The following GRTP1 variants were observed in gnomAD, a reference collection of about 807,000 sequenced individuals.
GRTP1 encodes growth hormone-regulated TBC protein 1.
In GRTP1, 56 loss-of-function variants were observed where a neutral mutation model predicts 38.1. The observed-to-expected ratio is 1.47, with a 90% CI of 1.19 to 1.84. GRTP1 has a LOEUF of 1.84. Among genes scored for constraint, GRTP1 ranks in the 40% most tolerant of loss-of-function variants. The probability of loss-of-function intolerance (pLI) is 0.00; values close to 1 mark genes in which losing one functional copy is unlikely to be tolerated. For synonymous variants in GRTP1, 217 were observed against 189.5 expected (o/e 1.14, Z -1.19); for missense variants, 506 against 453.9 (o/e 1.11, Z -1.04).
chr13:113,346,276 CTGTGGCTG>C (rs1359345123), intron 4 of GRTP1, among the ~76,000 whole-genome samples: 3 of 79,556 alleles, frequency 3.8e-5, no homozygotes, highest in Admixed American at 2.8e-4. Flanking sequence ...GGGAGGACCT[CTGTGGCTG>C]AGCGGATCTG....
At chr13:113,324,660 A>T in intron 7 of GRTP1, 83 bp from the exon 8 acceptor site, 1 of 1,515,978 alleles carries the variant, frequency 6.6e-7, no homozygotes, top group Non-Finnish European at 8.9e-7. Flanking sequence ...GCAGGCAGAC[A>T]GGCCTCGTGT....
intron 5 of GRTP1, among the ~76,000 whole-genome samples, chr13:113,337,272 C>T (rs1211122105): frequency 6.6e-6 from 1 of 152,160 alleles, no homozygotes; most frequent in African/African-American, 2.4e-5. Flanking sequence ...TCCAGCCTGG[C>T]AACAGTGAGA....
chr13:113,352,337 T>TTATATATATTTTA (rs2043295719), intron 3 of GRTP1, among the ~76,000 whole-genome samples: 5 of 51,560 alleles, frequency 9.7e-5, no homozygotes, highest in African/African-American at 3.6e-4. Context: ...TATATATATT[T>TTATATATATTTTA]TATATATATA....
rs373538487 is a variant in GRTP1 at position 113,343,668 on chromosome 13, G to A, written c.562+1195C>T. Among the ~76,000 whole-genome samples, 7 of 152,208 alleles carry A rather than the reference G, an allele frequency of 4.6e-5. No individual in the cohort carries two copies. The highest frequency in any genetic ancestry group is 2.1e-4 in the South Asian group (1 of 4,832). Reference sequence around the variant, plus strand: ...GGAAATGGGGTGGGTGACTGTGTCCGTGTGGTGTGGCTGTTCTGAGGACAA... The same window carrying A: ...GGAAATGGGGTGGGTGACTGTGTCCATGTGGTGTGGCTGTTCTGAGGACAA... On this transcript the variant is annotated intron_variant, in intron 5 of 7. Coordinates refer to ENST00000375431, the MANE Select transcript of GRTP1 (RefSeq NM_024719.4). This position sits in a 1 kb window ranked among gnomAD's most constrained non-coding sequence, Gnocchi z 4.8.
At chr13:113,336,714 A>G (rs1160574360) in intron 5 of GRTP1, among the ~76,000 whole-genome samples, 1 of 138,244 alleles carries the variant, frequency 7.2e-6, no homozygotes, top group African/African-American at 2.7e-5. Context: ...CAGCGGACAC[A>G]TGAACTGCCC....
chr13:113,355,446 G>A lies in GRTP1; in HGVS notation c.217C>T (p.His73Tyr). The stretch of plus-strand genomic sequence containing the variant: ...AGCACCATCCAGACGCGGGCACGGT[G>A]CTCCAGCGGGACCCCTTTCCGGACA... ...RYVRKGVPLE[H>Y]RARVWMVLSG... is the part of the protein sequence containing the mutation. Residue 73 changes from histidine to tyrosine, a missense_variant, in exon 3 of 8, where the codon CAC (histidine) becomes TAC (tyrosine). His to Tyr is a moderately conservative substitution (Grantham distance 83, BLOSUM62 2). Transcript: ENST00000375431. 1.2e-6 allele frequency: 2 copies of A among 1,613,690 alleles called. No individual in the cohort carries two copies. The highest frequency in any genetic ancestry group is 1.7e-6 in the Non-Finnish European group (2 of 1,179,770).
At chr13:113,326,866 AG>A (rs1350390806) in intron 5 of GRTP1, among the ~76,000 whole-genome samples, 3 of 152,196 alleles carry the variant, frequency 2.0e-5, no homozygotes, top group African/African-American at 4.8e-5. Context: ...AAAGGGAGGA[AG>A]TCAGGCCACA....
chr13:113,347,536 G>A lies in GRTP1; in HGVS notation c.466-2577C>T, dbSNP rs1177014185. Among the ~76,000 whole-genome samples the A allele has an allele frequency of 3.7e-4, 28 of 74,786 alleles. 1 individual carries two copies. The highest frequency in any genetic ancestry group is 5.3e-4 in the East Asian group (2 of 3,752). The allele number at this position is 74,786 out of a possible 152,430, so 49.1% of individuals were successfully genotyped here. On this transcript the variant is annotated intron_variant, in intron 4 of 7. Transcript: ENST00000375431. ...CCCAGGAGCACCTCTGTGGCTGAGC[G>A]GATCCGGGAGGACCTCTGTGGCAGA... is the stretch of plus-strand genomic sequence containing the variant.
intron 5 of GRTP1, among the ~76,000 whole-genome samples, chr13:113,327,582 G>A (rs1056262702): frequency 7.2e-5 from 11 of 152,172 alleles, no homozygotes; most frequent in South Asian, 2.1e-4. Context: ...CAGTGAAGTC[G>A]GTTTAATAGT....
At chr13:113,339,675 A>T (rs1175972977) in intron 5 of GRTP1, 2 of 152,204 alleles carry the variant, frequency 1.3e-5, no homozygotes, top group African/African-American at 4.8e-5. Context: ...ATTTTGTTCC[A>T]TTGGTCTGTT....
At chr13:113,341,392 A>G (rs767816232) in intron 5 of GRTP1, among the ~76,000 whole-genome samples, 35 of 152,080 alleles carry the variant, frequency 2.3e-4, no homozygotes, top group Non-Finnish European at 4.4e-4. Flanking sequence ...TCAGCCTCCC[A>G]AGTAGCTGGG....
chr13:113,335,293 T>C (rs113922129), intron 5 of GRTP1, among the ~76,000 whole-genome samples: 1 of 151,888 alleles, frequency 6.6e-6, no homozygotes, highest in Non-Finnish European at 1.5e-5. Flanking sequence ...CGTGGTGGTG[T>C]GTGCCTGTAA....
At chr13:113,359,217 T>C (rs919501011) in intron 2 of GRTP1, among the ~76,000 whole-genome samples, 2 of 152,216 alleles carry the variant, frequency 1.3e-5, no homozygotes, top group Admixed American at 6.5e-5. Flanking sequence ...CTCAGTGATG[T>C]GAGCAGTGGG....
intron 5 of GRTP1, among the ~76,000 whole-genome samples, chr13:113,328,287 C>A (rs954641056): frequency 6.6e-6 from 1 of 152,228 alleles, no homozygotes; most frequent in East Asian, 1.9e-4. Context: ...GGGCACAGCT[C>A]TGACACTCCC....
intron 4 of GRTP1, among the ~76,000 whole-genome samples, chr13:113,347,233 TGA>T (rs1204438346): frequency 6.2e-5 from 1 of 16,156 alleles, no homozygotes; most frequent in East Asian, 8.6e-4. Flanking sequence ...CCTCTGTGGC[TGA>T]GAGCGGACCT....
intron 3 of GRTP1, among the ~76,000 whole-genome samples, chr13:113,352,250 ATATTTATATATT>A (rs2043282706): frequency 2.3e-5 from 2 of 86,334 alleles, no homozygotes; most frequent in African/African-American, 4.3e-5. Context: ...ATATTTATAT[ATATTTATATATT>A]TTTATATTTT....
At chr13:113,354,746 C>G (rs976902398) in intron 3 of GRTP1, among the ~76,000 whole-genome samples, 1 of 152,230 alleles carries the variant, frequency 6.6e-6, no homozygotes, top group Admixed American at 6.5e-5. Context: ...AGGCTGGTCT[C>G]GAACTCCTGA....
In GRTP1 at chr13:113,324,371, G is replaced by A; in HGVS notation, c.*117C>T. ...CTTTTAAAAAATTCACAACTAAAGT[G>A]TAGTGATGTCAAGTATTTACAACAC... On this transcript the variant is annotated 3_prime_UTR_variant, in exon 8 of 8. Transcript: ENST00000375431. The A allele has an allele frequency of 7.4e-7, 1 of 1,356,928 alleles. No individual in the cohort carries two copies. Among genetic ancestry groups the A allele is most frequent in the Non-Finnish European group, 9.6e-7 (1 of 1,045,296 alleles). 84.1% of individuals were successfully genotyped at this position (1,356,928 alleles called of 1,614,324 possible).
At chr13:113,347,474 G>A (rs1419291976) in intron 4 of GRTP1, among the ~76,000 whole-genome samples, 1 of 103,742 alleles carries the variant, frequency 9.6e-6, no homozygotes, top group Non-Finnish European at 2.0e-5. Context: ...CTGTGGCCGA[G>A]AGCAGACCTG....
Sources: gnomAD v4.1 joint callset for allele counts (sites outside exome capture counted in the v4.1 genomes callset) on GRCh38, gnomAD v4.1.1 for gene constraint, Gnocchi (gnomAD v3.1) non-coding constraint, MANE v1.5 for transcripts, NCBI Gene and HGNC (gene_info 2026-07-23, HGNC 2026-07-21) for gene names.